Variants in MINPP1 observed in about 807,000 individuals in gnomAD.
MINPP1 encodes the protein multiple inositol polyphosphate phosphatase 1.
In MINPP1, 28 loss-of-function variants were observed where a neutral mutation model predicts 46.1. The observed-to-expected ratio is 0.61, with a 90% CI of 0.45 to 0.83. The LOEUF (loss-of-function observed/expected upper bound fraction) is 0.83. Ranked by LOEUF, MINPP1 falls within the 40% of genes least tolerant of loss-of-function variation. MINPP1 has a pLI of 0.00. For missense variants in MINPP1, 603 were observed against 610.0 expected (o/e 0.99, Z 0.12); for synonymous variants, 268 against 249.1 (o/e 1.08, Z -0.72).
chr10:87,504,972 G>T lies in MINPP1; in HGVS notation c.57G>T (p.Leu19=). ...CCTCCGTAGCGCCTGCCGCGGCCCT[G>T]GCTGCGGCGCTGCTCTCGTCGCTTG... ...LRTSVAPAAA[L]AAALLSSLAR... is the part of the protein sequence containing the mutation. The change falls in exon 1 of 5, where the codon CTG becomes CTT. Residue 19 remains leucine (L), a synonymous_variant. Coordinates refer to ENST00000371996, the MANE Select transcript of MINPP1 (RefSeq NM_004897.5). 6.2e-7 allele frequency: 1 copy of T among 1,612,140 alleles called. No individual in the cohort carries two copies.
At position 87,505,226 on chromosome 10, in the gene MINPP1, A is replaced by G. The variant is rs1361016361; in HGVS notation, c.311A>G (p.Gln104Arg). The G allele has an allele frequency of 1.2e-6, 2 of 1,612,452 alleles. No homozygotes were observed. The highest frequency in any genetic ancestry group is 2.2e-5 in the South Asian group (2 of 90,824). The change falls in exon 1 of 5, where the codon CAG becomes CGG. Residue 104 changes from glutamine (Q) to arginine (R), a missense_variant. Transcript: ENST00000371996. The surrounding 1 kb of genome is among the most constrained non-coding windows in gnomAD (Gnocchi z 4.4). ...PTVKQIRKLR[Q>R]LHGLLQARGS... ...GTCAAACAGATCCGCAAGCTGAGGC[A>G]GCTGCACGGGTTGCTGCAGGCCCGC...
chr10:87,541,718 A>C (rs865928121), intron 4 of MINPP1, among the ~76,000 whole-genome samples: 1 of 152,226 alleles, frequency 6.6e-6, no homozygotes, highest in Non-Finnish European at 1.5e-5. Context: ...TGGAAGAGAA[A>C]GGGAGCCAGT....
rs1238803116 is a variant in MINPP1 at position 87,505,688 on chromosome 10, G to A, written c.637+136G>A. On this transcript the variant is annotated intron_variant, in intron 1 of 4. Transcript: ENST00000371996. The surrounding 1 kb of genome is among the most constrained non-coding windows in gnomAD (Gnocchi z 4.4). ...CTTTTCCCAAGCCATCATCCCTCGG[G>A]CTACGTCCTCCCTGTCGAGGGATAT... is the stretch of plus-strand genomic sequence containing the variant. The A allele has an allele frequency of 8.9e-6, 7 of 789,140 alleles. No individual in the cohort carries two copies. Among genetic ancestry groups the A allele is most frequent in the Non-Finnish European group, 1.4e-5 (7 of 501,396 alleles). 48.9% of individuals were successfully genotyped at this position (789,140 alleles called of 1,614,324 possible). A position where few individuals can be genotyped will look rare whatever the true frequency, so the allele number is the denominator to read the frequency against.
In MINPP1 at chr10:87,552,130, G is replaced by A. The variant is rs766332890; in HGVS notation, c.1116G>A (p.Glu372=). 8 of 1,613,484 alleles carry A rather than the reference G, an allele frequency of 5.0e-6. No homozygotes were observed. The African/African-American group carries it at 9.3e-5, about 19-fold the overall frequency. ...TCATCCTCCAGTTTGGTCATGCAGAGACTCTTCTTCCACTGCTTTCTCTCA... is the reference window on the plus strand; with the variant it reads ...TCATCCTCCAGTTTGGTCATGCAGAAACTCTTCTTCCACTGCTTTCTCTCA... ...SPVILQFGHA[E]TLLPLLSLMG... Residue 372 remains glutamate, a synonymous_variant, in exon 5 of 5, where the codon GAG becomes GAA. Transcript: ENST00000371996.
Position 87,541,336 on chromosome 10 carries a change from G to C in MINPP1, c.1068-10746G>C, listed in dbSNP as rs574435475. 2.6e-5 allele frequency among the ~76,000 whole-genome samples: 4 copies of C among 152,120 alleles called. No homozygotes were observed. In the South Asian group the frequency reaches 8.3e-4, roughly 32 times the overall value. On this transcript the variant is annotated intron_variant, in intron 4 of 4. Coordinates refer to ENST00000371996, the MANE Select transcript of MINPP1 (RefSeq NM_004897.5). ...GTTTATATATTGCTTAGTCATTCTT[G>C]TTCATAAGAAGAGCATTCTGAAATT...
rs188083233 is a variant in MINPP1 at position 87,508,002 on chromosome 10, T to G, written c.638-334T>G. On this transcript the variant is annotated intron_variant, in intron 1 of 4. Coordinates refer to ENST00000371996, the MANE Select transcript of MINPP1 (RefSeq NM_004897.5). ...TCTCTCACCTTGTAAGTAGAAACTTTGCTGATTTTTAGTTTGCTTTCTAAA... is the reference window on the plus strand; with the variant it reads ...TCTCTCACCTTGTAAGTAGAAACTTGGCTGATTTTTAGTTTGCTTTCTAAA... The G allele has an allele frequency of 1.1e-4, 150 of 1,397,300 alleles. No homozygotes were observed. In the African/African-American group the frequency reaches 1.9e-3, roughly 17 times the overall value. 86.6% of individuals were successfully genotyped at this position (1,397,300 alleles called of 1,614,324 possible). A position where few individuals can be genotyped will look rare whatever the true frequency, so the allele number is the denominator to read the frequency against.
At chr10:87,532,281 C>A (rs951055812) in intron 4 of MINPP1, among the ~76,000 whole-genome samples, 1 of 152,182 alleles carries the variant, frequency 6.6e-6, no homozygotes, top group Non-Finnish European at 1.5e-5. Context: ...AAAATTCATT[C>A]AACAAAGCAG....
chr10:87,520,262 T>A (rs763757676), intron 3 of MINPP1, among the ~76,000 whole-genome samples: 4 of 152,102 alleles, frequency 2.6e-5, no homozygotes, highest in Non-Finnish European at 5.9e-5. Flanking sequence ...ACTATTGGAA[T>A]TTAGTTGTTT....
At chr10:87,549,992 A>C (rs1485819411) in intron 4 of MINPP1, among the ~76,000 whole-genome samples, 1 of 152,230 alleles carries the variant, frequency 6.6e-6, no homozygotes, top group Non-Finnish European at 1.5e-5. Flanking sequence ...GGCAAGTAAC[A>C]AAGGAATGAA....
intron 4 of MINPP1, among the ~76,000 whole-genome samples, chr10:87,529,891 C>A (rs1851632502): frequency 1.3e-5 from 2 of 152,184 alleles, no homozygotes; most frequent in African/African-American, 4.8e-5. Flanking sequence ...TTCTTGGAGG[C>A]TTTGTTCATT....
At chr10:87,552,003 G>A (rs1413005678) in intron 4 of MINPP1, 79 bp from the exon 5 acceptor site, 14 of 1,098,406 alleles carry the variant, frequency 1.3e-5, no homozygotes, top group Non-Finnish European at 1.8e-5. Context: ...AAAAGATGTG[G>A]AAGTTACTCC....
At chr10:87,508,296 C>A (rs758694689) in intron 1 of MINPP1, 40 bp from the exon 2 acceptor site, 5 of 1,603,630 alleles carry the variant, frequency 3.1e-6, no homozygotes, top group Non-Finnish European at 3.4e-6. Context: ...TCATTTATGT[C>A]AGTGATTTAC....
At chr10:87,536,520 A>G (rs1851738181) in intron 4 of MINPP1, among the ~76,000 whole-genome samples, 1 of 152,206 alleles carries the variant, frequency 6.6e-6, no homozygotes, top group Non-Finnish European at 1.5e-5. Context: ...TCAAGATAAA[A>G]TATCCATCAC....
chr10:87,549,071 A>G (rs1391699446), intron 4 of MINPP1, among the ~76,000 whole-genome samples: 3 of 152,208 alleles, frequency 2.0e-5, no homozygotes, highest in African/African-American at 7.2e-5. Flanking sequence ...AACTTCCAGT[A>G]AGCATTTTTA....
intron 4 of MINPP1, among the ~76,000 whole-genome samples, chr10:87,550,146 A>C (rs1451666257): frequency 2.0e-5 from 3 of 152,138 alleles, no homozygotes. Flanking sequence ...GATCTTTCAG[A>C]TTTCTAAGAA....
rs1307077198 is a variant in MINPP1 at position 87,516,017 on chromosome 10, C to T, written c.933+2796C>T. On this transcript the variant is annotated intron_variant, in intron 3 of 4. Transcript: ENST00000371996. ...CTAATGTTTGTATTTTTAGTAGAGA[C>T]GGGGTTTCACCATGTTGGCCAGGCT... 5.6e-5 allele frequency among the ~76,000 whole-genome samples: 8 copies of T among 143,868 alleles called. 1 individual carries two copies. The highest frequency in any genetic ancestry group is 4.8e-4 in the South Asian group (2 of 4,190). The allele number at this position is 143,868 out of a possible 152,430, so 94.4% of individuals were successfully genotyped here.
chr10:87,525,847 T>C (rs1295620206), intron 4 of MINPP1, among the ~76,000 whole-genome samples: 1 of 152,212 alleles, frequency 6.6e-6, no homozygotes, highest in Non-Finnish European at 1.5e-5. Context: ...AGAATGATGG[T>C]TTCCAGCTTC....
At chr10:87,524,357 T>C (rs1343492727) in intron 4 of MINPP1, among the ~76,000 whole-genome samples, 1 of 152,210 alleles carries the variant, frequency 6.6e-6, no homozygotes, top group East Asian at 1.9e-4. Flanking sequence ...TGAGGAGAGT[T>C]AGAGCCTTGC....
At chr10:87,542,214 G>A (rs1171609116) in intron 4 of MINPP1, among the ~76,000 whole-genome samples, 2 of 152,122 alleles carry the variant, frequency 1.3e-5, no homozygotes, top group African/African-American at 2.4e-5. Context: ...ATTCCAAAAG[G>A]GAGAAATCAG....
Sources: allele counts gnomAD v4.1 joint callset (sites outside exome capture counted in the v4.1 genomes callset), GRCh38; gene constraint gnomAD v4.1.1; non-coding constraint Gnocchi (gnomAD v3.1); transcripts MANE v1.5; gene names NCBI Gene and HGNC (gene_info 2026-07-23, HGNC 2026-07-21).